The following NOTCH2 variants were observed in gnomAD, a reference collection of about 807,000 sequenced individuals.
NOTCH2 encodes the protein notch receptor 2.
In NOTCH2, 29 loss-of-function variants were observed where a neutral mutation model predicts 235.8. The observed-to-expected ratio is 0.12, with a 90% confidence interval of 0.09 to 0.17. NOTCH2 has a LOEUF of 0.17. Among genes scored for constraint, NOTCH2 ranks in the 10% least tolerant of loss-of-function variants. NOTCH2 has a pLI of 1.00. For synonymous variants in NOTCH2, 1,086 were observed against 1,141.5 expected (o/e 0.95, Z 0.98); for missense variants, 2,285 against 3,150.2 (o/e 0.73, Z 6.57).
At chr1:119,929,617 A>G (rs1649587269) in intron 22 of NOTCH2, among the ~76,000 whole-genome samples, 2 of 152,278 alleles carry the variant, frequency 1.3e-5, no homozygotes, top group Admixed American at 1.3e-4. Flanking sequence ...GCAACCGCAT[A>G]ATGACATTTT....
At chr1:119,946,022 G>A (rs1650242641) in intron 17 of NOTCH2, among the ~76,000 whole-genome samples, 1 of 151,992 alleles carries the variant, frequency 6.6e-6, no homozygotes, top group Non-Finnish European at 1.5e-5. Context: ...AGATCTAATA[G>A]ACTATTAAAG....
intron 17 of NOTCH2, among the ~76,000 whole-genome samples, chr1:119,942,298 T>C (rs1553196566): frequency 6.6e-6 from 1 of 152,174 alleles, no homozygotes; most frequent in South Asian, 2.1e-4. Context: ...TTTATACTCA[T>C]AGTAAGGAAC....
intron 5 of NOTCH2, among the ~76,000 whole-genome samples, chr1:119,975,069 T>G (rs1257614133): frequency 6.6e-6 from 1 of 152,140 alleles, no homozygotes; most frequent in Non-Finnish European, 1.5e-5. Flanking sequence ...GTTGGCAAAA[T>G]AATTAGAAGT....
In NOTCH2 at chr1:119,989,418, A is replaced by C. The variant is rs3862255; in HGVS notation, c.752-2336T>G. On this transcript the variant is annotated intron_variant, in intron 4 of 33. Coordinates refer to ENST00000256646, the MANE Select transcript of NOTCH2 (RefSeq NM_024408.4). ...TAGTAAATCTTTGTAATGTGGGATA[A>C]GCAAAGTTTTCACAAATATGACTGA... is the stretch of plus-strand genomic sequence containing the variant. Among the ~76,000 whole-genome samples, 1,194 of 151,734 alleles carry C rather than the reference A, an allele frequency of 7.9e-3. 15 individuals are homozygous for C. Among genetic ancestry groups the C allele is most frequent in the African/African-American group, 0.027 (1,107 of 41,190 alleles).
intron 3 of NOTCH2, among the ~76,000 whole-genome samples, chr1:120,002,799 G>A (rs1439256366): frequency 6.9e-6 from 1 of 145,226 alleles, no homozygotes; most frequent in Non-Finnish European, 1.5e-5. Context: ...TTTAAGTATC[G>A]TTAACTTTAT....
chr1:119,996,821 C>A (rs1553204236), intron 4 of NOTCH2, 176 bp downstream of exon 4: 1 of 790,278 alleles, frequency 1.3e-6, no homozygotes, highest in African/African-American at 1.7e-5. Context: ...ATCCCCTGCT[C>A]AGTTTATGGA....
intron 21 of NOTCH2, among the ~76,000 whole-genome samples, 167 bp downstream of exon 21, chr1:119,937,115 T>C (rs587708884): frequency 6.6e-6 from 1 of 152,320 alleles, no homozygotes; most frequent in African/African-American, 2.4e-5. Flanking sequence ...GTTAACTTAT[T>C]GCACAGAGAG....
At chr1:119,922,845 C>A (rs1649335593) in intron 26 of NOTCH2, 67 bp from the exon 27 acceptor site, 1 of 1,597,576 alleles carries the variant, frequency 6.3e-7, no homozygotes, top group Admixed American at 1.7e-5. Context: ...GCAGGTCAGG[C>A]AGAACATGTC....
At chr1:119,930,227 G>A (rs1649610091) in intron 22 of NOTCH2, among the ~76,000 whole-genome samples, 1 of 152,120 alleles carries the variant, frequency 6.6e-6, no homozygotes, top group African/African-American at 2.4e-5. Flanking sequence ...AATTTTGAAT[G>A]AAATACATTT....
rs587711376 is a variant in NOTCH2, at chr1:119,958,047, T to G, written c.2026+1345A>C. On this transcript the variant is annotated intron_variant, in intron 12 of 33. Coordinates refer to ENST00000256646, the MANE Select transcript of NOTCH2 (RefSeq NM_024408.4). Reference sequence around the variant, plus strand: ...AGGTATTCTCAACGTCGGTGACAATTGACAATTTAGTGCCTAGCTCAAAAT... The same window carrying G: ...AGGTATTCTCAACGTCGGTGACAATGGACAATTTAGTGCCTAGCTCAAAAT... Among the ~76,000 whole-genome samples the G allele has an allele frequency of 1.6e-4, 24 of 152,310 alleles. No individual in the cohort carries two copies. In the South Asian group the frequency reaches 4.6e-3, roughly 29 times the overall value.
intron 4 of NOTCH2, 136 bp from the exon 5 acceptor site, chr1:119,987,218 C>CT: frequency 9.9e-7 from 1 of 1,009,606 alleles, no homozygotes. Flanking sequence ...CAGGACTCAC[C>CT]ATATGAAAAA....
Position 119,953,684 on chromosome 1 carries a change from T to C in NOTCH2, c.2224A>G (p.Lys742Glu). ...GNCTGGLSGYKCLCDAGWVGI... is the reference protein window; with the variant it reads ...GNCTGGLSGYECLCDAGWVGI... ...ACCCAGCCTGCATCACAGAGACACT[T>C]ATATCTGAAAGAAGACAAAACTTTT... The change falls in exon 14 of 34, where the codon AAG becomes GAG. Residue 742 changes from lysine (K) to glutamate (E), a missense_variant. Lys to Glu is a moderately conservative substitution (Grantham distance 56, BLOSUM62 1). Coordinates refer to ENST00000256646, the MANE Select transcript of NOTCH2 (RefSeq NM_024408.4). 6.2e-7 allele frequency: 1 copy of C among 1,614,106 alleles called. No individual in the cohort carries two copies.
chr1:120,033,783 A>T (rs1654195837), intron 1 of NOTCH2, among the ~76,000 whole-genome samples: 1 of 152,132 alleles, frequency 6.6e-6, no homozygotes, highest in Non-Finnish European at 1.5e-5. Context: ...TTGCTAAGAG[A>T]GTAAATTTCA....
chr1:119,986,798 G>A (rs1383163772), intron 5 of NOTCH2, among the ~76,000 whole-genome samples, 162 bp downstream of exon 5: 1 of 152,070 alleles, frequency 6.6e-6, no homozygotes, highest in East Asian at 1.9e-4. Context: ...AAATGTATGA[G>A]GTTAGTACAA....
chr1:119,925,556 G>A lies in NOTCH2; in HGVS notation c.4260C>T (p.Thr1420=). ...RCELYTAPPS[T]PPATCLSQYC... ...ACTGGCTCAGACAGGTGGCAGGAGGGGTGCTGGGGGGTGCCGTGTAGAGTT... is the reference window on the plus strand; with the variant it reads ...ACTGGCTCAGACAGGTGGCAGGAGGAGTGCTGGGGGGTGCCGTGTAGAGTT... The change falls in exon 25 of 34, where the codon ACC becomes ACT. Residue 1420 remains threonine (T), a synonymous_variant. Transcript: ENST00000256646. The A allele has an allele frequency of 6.2e-7, 1 of 1,614,140 alleles. No individual in the cohort carries two copies. Among genetic ancestry groups the A allele is most frequent in the Non-Finnish European group, 8.5e-7 (1 of 1,180,016 alleles).
intron 6 of NOTCH2, 97 bp from the exon 7 acceptor site, chr1:119,968,329 T>G: frequency 8.0e-7 from 1 of 1,256,644 alleles, no homozygotes; most frequent in Non-Finnish European, 1.1e-6. Flanking sequence ...TCATGATCAG[T>G]TCCTCAGAAT....
intron 5 of NOTCH2, among the ~76,000 whole-genome samples, chr1:119,977,203 A>G (rs587747751): frequency 6.6e-6 from 1 of 152,162 alleles, no homozygotes; most frequent in East Asian, 1.9e-4. Flanking sequence ...AGTTATCCTA[A>G]TCCCAAAATA....
chr1:119,987,110 A>G (rs1652049663), intron 4 of NOTCH2, 28 bp from the exon 5 acceptor site: 1 of 1,612,798 alleles, frequency 6.2e-7, no homozygotes, highest in Non-Finnish European at 8.5e-7. Flanking sequence ...AATGAAAATG[A>G]TGAAATCTCA....
At chr1:120,047,783 G>A (rs1288268956) in intron 1 of NOTCH2, among the ~76,000 whole-genome samples, 2 of 35,812 alleles carry the variant, frequency 5.6e-5, no homozygotes, top group Non-Finnish European at 9.6e-5. Flanking sequence ...TTTTTTTTTT[G>A]AGATGCAGTC....
Sources: allele counts gnomAD v4.1 joint callset (sites outside exome capture counted in the v4.1 genomes callset), GRCh38; gene constraint gnomAD v4.1.1; transcripts MANE v1.5; gene names NCBI Gene and HGNC (gene_info 2026-07-23, HGNC 2026-07-21).